SCAPER: variants seen among roughly 807,000 people sequenced by gnomAD.
SCAPER encodes S phase cyclin A-associated protein in the endoplasmic reticulum.
A neutral mutation model predicts 182.2 loss-of-function variants in SCAPER; 98 were observed. That is an observed-to-expected ratio of 0.54 (90% CI 0.46 to 0.64). The LOEUF (loss-of-function observed/expected upper bound fraction) is 0.64. Among genes scored for constraint, SCAPER ranks in the 30% least tolerant of loss-of-function variants. The probability of loss-of-function intolerance (pLI) is 0.00; values close to 1 mark genes in which losing one functional copy is unlikely to be tolerated. For synonymous variants in SCAPER, 605 were observed against 564.6 expected, an observed-to-expected ratio of 1.07 and a Z score of -1.01; for missense variants, 1,432 against 1,690.0, an observed-to-expected ratio of 0.85 and a Z score of 2.68.
intron 25 of SCAPER, among the ~76,000 whole-genome samples, chr15:76,439,245 C>A (rs1265608732): frequency 6.6e-6 from 1 of 151,986 alleles, no homozygotes. Flanking sequence ...GCCATCAGGC[C>A]CAGCTAATAT....
intron 23 of SCAPER, among the ~76,000 whole-genome samples, chr15:76,524,689 G>GTTTGTTTTT (rs2043058673): frequency 4.0e-5 from 2 of 50,116 alleles, no homozygotes; most frequent in Non-Finnish European, 7.0e-5. Context: ...TTTTTGTTCT[G>GTTTGTTTTT]TTTTTTTTTT....
intron 25 of SCAPER, among the ~76,000 whole-genome samples, chr15:76,452,947 C>T (rs2048474355): frequency 6.6e-6 from 1 of 152,072 alleles, no homozygotes; most frequent in Non-Finnish European, 1.5e-5. Context: ...CCTTCTACTT[C>T]AGCCCAGTGA....
At chr15:76,476,072 T>C (rs779105784) in intron 24 of SCAPER, among the ~76,000 whole-genome samples, 10 of 152,196 alleles carry the variant, frequency 6.6e-5, no homozygotes, top group Non-Finnish European at 1.3e-4. Flanking sequence ...GGAGGTTGAA[T>C]GTGAGTCAAA....
intron 20 of SCAPER, among the ~76,000 whole-genome samples, chr15:76,668,305 T>C (rs2056774166): frequency 6.6e-6 from 1 of 152,178 alleles, no homozygotes; most frequent in African/African-American, 2.4e-5. Flanking sequence ...CTTTTCTCTA[T>C]AAAAATGGCC....
At chr15:76,495,308 T>C (rs2040383526) in intron 24 of SCAPER, among the ~76,000 whole-genome samples, 1 of 152,120 alleles carries the variant, frequency 6.6e-6, no homozygotes. Context: ...CCAGGCATGG[T>C]GGCTCACGCC....
intron 24 of SCAPER, among the ~76,000 whole-genome samples, chr15:76,495,599 A>C: frequency 6.6e-6 from 1 of 150,808 alleles, no homozygotes; most frequent in East Asian, 1.9e-4. Flanking sequence ...AAAAAAAAAA[A>C]AAGAGAGAGA....
At chr15:76,359,401 C>T (rs1342128792) in intron 29 of SCAPER, among the ~76,000 whole-genome samples, 1 of 152,202 alleles carries the variant, frequency 6.6e-6, no homozygotes, top group Non-Finnish European at 1.5e-5. Context: ...CAGCCAGGAT[C>T]TTGCAGTGGC....
At chr15:76,853,977 TA>T (rs2071056595) in intron 4 of SCAPER, among the ~76,000 whole-genome samples, 1 of 152,080 alleles carries the variant, frequency 6.6e-6, no homozygotes, top group African/African-American at 2.4e-5. Flanking sequence ...TTTCAGGATA[TA>T]AAATCACCAC....
At chr15:76,412,444 A>G (rs1446381569) in intron 26 of SCAPER, among the ~76,000 whole-genome samples, 1 of 152,082 alleles carries the variant, frequency 6.6e-6, no homozygotes, top group Non-Finnish European at 1.5e-5. Context: ...GGGTTTATGG[A>G]AATACTCTAT....
rs746891532 is a variant in SCAPER, at chr15:76,813,227, T to TAAAAAA, written c.394-8600_394-8595dup. On this transcript the variant is annotated intron_variant, in intron 5 of 31. Transcript: ENST00000563290. ...CAGACAGAGTTCAATATCCTTTCAC[T>TAAAAAA]AAAAAAAAAAAAAAAAAAAAAAAAA... 3.0e-3 allele frequency among the ~76,000 whole-genome samples: 51 copies of TAAAAAA among 17,254 alleles called. 1 individual carries two copies. Among genetic ancestry groups the TAAAAAA allele is most frequent in the East Asian group, 9.9e-3 (3 of 304 alleles). 11.3% of individuals were successfully genotyped at this position (17,254 alleles called of 152,430 possible). A position where few individuals can be genotyped will look rare whatever the true frequency, so the allele number is the denominator to read the frequency against.
intron 20 of SCAPER, among the ~76,000 whole-genome samples, chr15:76,698,515 A>G (rs1415423991): frequency 9.2e-5 from 14 of 152,204 alleles, no homozygotes; most frequent in Admixed American, 9.2e-4. Flanking sequence ...TTGAATGACT[A>G]TGATGCCTAA....
intron 23 of SCAPER, among the ~76,000 whole-genome samples, chr15:76,542,578 T>TAAAATA (rs1555475308): frequency 6.7e-6 from 1 of 148,776 alleles, no homozygotes; most frequent in African/African-American, 2.5e-5. Context: ...TAAAATAAAA[T>TAAAATA]AAAAAAAAGA....
chr15:76,780,339 T>C (rs2064038083), intron 8 of SCAPER, among the ~76,000 whole-genome samples: 1 of 152,334 alleles, frequency 6.6e-6, no homozygotes, highest in South Asian at 2.1e-4. Flanking sequence ...GCATCCGCCA[T>C]TGCTGAGGCT....
Position 76,551,355 on chromosome 15 carries a change from C to T in SCAPER, c.2838+22803G>A, listed in dbSNP as rs185185655. ...TGGATAAAAAACTGAGATGTCTATA[C>T]ATAATGGAATACTATTCAGCCACAA... On this transcript the variant is annotated intron_variant, in intron 23 of 31. Coordinates refer to ENST00000563290, the MANE Select transcript of SCAPER (RefSeq NM_020843.4). Among the ~76,000 whole-genome samples the T allele has an allele frequency of 3.4e-4, 51 of 151,866 alleles. No individual in the cohort carries two copies. In the East Asian group the frequency reaches 9.8e-3, roughly 29 times the overall value.
In SCAPER at chr15:76,559,916, A is replaced by ATG. The variant is rs147544967; in HGVS notation, c.2838+14240_2838+14241dup. 2.8e-3 allele frequency among the ~76,000 whole-genome samples: 418 copies of ATG among 151,020 alleles called. 4 individuals carry two copies. Among genetic ancestry groups the ATG allele is most frequent in the African/African-American group, 8.4e-3 (348 of 41,270 alleles). ...GTTAAAGAGAAACAACAACTTGTAT[A>ATG]TGTGTGTGTGTGTGTGTATGTGTGT... On this transcript the variant is annotated intron_variant, in intron 23 of 31. Transcript: ENST00000563290.
intron 5 of SCAPER, among the ~76,000 whole-genome samples, chr15:76,832,502 A>G (rs1250040984): frequency 6.6e-6 from 1 of 152,250 alleles, no homozygotes; most frequent in Non-Finnish European, 1.5e-5. Context: ...CCTCTAACAC[A>G]CTGGCATTCC....
intron 23 of SCAPER, among the ~76,000 whole-genome samples, chr15:76,510,376 G>A (rs1447684606): frequency 1.3e-5 from 2 of 151,966 alleles, no homozygotes; most frequent in East Asian, 1.9e-4. Context: ...AAATTAGCAA[G>A]AAAAATTAGC....
At chr15:76,492,233 T>A (rs1172662117) in intron 24 of SCAPER, among the ~76,000 whole-genome samples, 1 of 152,244 alleles carries the variant, frequency 6.6e-6, no homozygotes, top group African/African-American at 2.4e-5. Flanking sequence ...GGAAGGCTTA[T>A]GATCTTTAAA....
chr15:76,733,523 C>A, intron 15 of SCAPER, 139 bp from the exon 16 acceptor site: 1 of 942,518 alleles, frequency 1.1e-6, no homozygotes, highest in Non-Finnish European at 1.5e-6. Flanking sequence ...CTGAGGAAGG[C>A]GGATCACCTG....
Sources: gnomAD v4.1 joint callset for allele counts (sites outside exome capture counted in the v4.1 genomes callset) on GRCh38, gnomAD v4.1.1 for gene constraint, MANE v1.5 for transcripts, NCBI Gene and HGNC (gene_info 2026-07-23, HGNC 2026-07-21) for gene names.